Variants in TAF3 observed in about 807,000 individuals in gnomAD.
TAF3 encodes the protein transcription initiation factor TFIID subunit 3.
A neutral mutation model predicts 80.6 loss-of-function variants in TAF3; 7 were observed. That is an observed-to-expected ratio of 0.09 (90% CI 0.05 to 0.16). The LOEUF (loss-of-function observed/expected upper bound fraction) is 0.16. Ranked by LOEUF, TAF3 falls within the 10% of genes least tolerant of loss-of-function variation. TAF3 has a pLI of 1.00. For synonymous variants in TAF3, 444 were observed against 446.1 expected, an observed-to-expected ratio of 1.00 and a Z score of 0.06; for missense variants, 921 against 1,140.2, an observed-to-expected ratio of 0.81 and a Z score of 2.77.
intron 4 of TAF3, among the ~76,000 whole-genome samples, chr10:7,978,908 G>A (rs1271441922): frequency 6.6e-6 from 1 of 152,222 alleles, no homozygotes; most frequent in Non-Finnish European, 1.5e-5. Context: ...AGGTATGGTA[G>A]GCCATGCCTG....
At chr10:7,822,631 A>G (rs1463384544) in intron 1 of TAF3, among the ~76,000 whole-genome samples, 1 of 152,296 alleles carries the variant, frequency 6.6e-6, no homozygotes, top group East Asian at 1.9e-4. Flanking sequence ...TTCTGTATGC[A>G]TTACTACACA....
At chr10:7,979,504 C>G (rs1831705421) in intron 4 of TAF3, among the ~76,000 whole-genome samples, 1 of 152,008 alleles carries the variant, frequency 6.6e-6, no homozygotes. Context: ...ATGAGAAATC[C>G]TATTTGGAAC....
At chr10:7,869,225 A>T (rs551329033) in intron 2 of TAF3, among the ~76,000 whole-genome samples, 1 of 152,156 alleles carries the variant, frequency 6.6e-6, no homozygotes, top group South Asian at 2.1e-4. Context: ...CCCATGAAGA[A>T]TAATCCTTCC....
In TAF3 at chr10:7,847,653, C is replaced by T. The variant is rs765488868; in HGVS notation, c.409+23093C>T. Among the ~76,000 whole-genome samples, 23 of 152,178 alleles carry T rather than the reference C, an allele frequency of 1.5e-4. 1 individual carries two copies. Among genetic ancestry groups the T allele is most frequent in the Admixed American group, 1.2e-3 (19 of 15,282 alleles). Reference sequence around the variant, plus strand: ...AGAGACAGAGTCTTGCTGTGTTGCCCTGGTTGGTCTCAAACTCCTGGGTTC... The same window carrying T: ...AGAGACAGAGTCTTGCTGTGTTGCCTTGGTTGGTCTCAAACTCCTGGGTTC... On this transcript the variant is annotated intron_variant, in intron 2 of 6. Coordinates refer to ENST00000344293, the MANE Select transcript of TAF3 (RefSeq NM_031923.4).
At chr10:7,934,815 G>T (rs1029292614) in intron 2 of TAF3, among the ~76,000 whole-genome samples, 2 of 152,112 alleles carry the variant, frequency 1.3e-5, no homozygotes, top group Non-Finnish European at 2.9e-5. Context: ...CATCAAATGC[G>T]ATCAGTTTAC....
At chr10:7,821,181 A>T (rs1187005091) in intron 1 of TAF3, among the ~76,000 whole-genome samples, 3 of 151,846 alleles carry the variant, frequency 2.0e-5, no homozygotes, top group African/African-American at 7.3e-5. Context: ...TTTCAGTGAG[A>T]ATGAGATTGT....
chr10:7,841,333 AG>A (rs1836910471), intron 2 of TAF3, among the ~76,000 whole-genome samples: 1 of 152,132 alleles, frequency 6.6e-6, no homozygotes, highest in Non-Finnish European at 1.5e-5. Context: ...CTGAAAAGAG[AG>A]GTAAAGAAAT....
intron 2 of TAF3, among the ~76,000 whole-genome samples, chr10:7,848,832 A>G (rs1836998499): frequency 6.6e-6 from 1 of 152,198 alleles, no homozygotes; most frequent in African/African-American, 2.4e-5. Context: ...GCCACATTTC[A>G]TAACTCTTCT....
intron 2 of TAF3, among the ~76,000 whole-genome samples, chr10:7,846,063 A>G (rs2131120458): frequency 6.7e-6 from 1 of 148,676 alleles, no homozygotes; most frequent in East Asian, 2.0e-4. Flanking sequence ...GGTTCACGCC[A>G]GTCTCCTGCC....
chr10:7,911,355 ATACT>A (rs1741847053), intron 2 of TAF3, among the ~76,000 whole-genome samples: 1 of 152,252 alleles, frequency 6.6e-6, no homozygotes, highest in Non-Finnish European at 1.5e-5. Context: ...TTAAGAGAAA[ATACT>A]TAAGTTACTG....
intron 3 of TAF3, among the ~76,000 whole-genome samples, chr10:7,974,133 T>TACAC (rs56363651): frequency 0.014 from 2,085 of 145,326 alleles, 25 homozygotes; most frequent in South Asian, 0.023. Flanking sequence ...TTCTGAAACA[T>TACAC]ACACACACAC....
intron 2 of TAF3, among the ~76,000 whole-genome samples, chr10:7,896,111 C>G (rs1197047900): frequency 6.6e-6 from 1 of 152,164 alleles, no homozygotes; most frequent in Non-Finnish European, 1.5e-5. Context: ...TGATAGGTCC[C>G]TGGGCCTCAG....
At chr10:7,936,726 G>T (rs1837924163) in intron 2 of TAF3, among the ~76,000 whole-genome samples, 1 of 152,066 alleles carries the variant, frequency 6.6e-6, no homozygotes, top group African/African-American at 2.4e-5. Context: ...GTTGCTCTTG[G>T]TGTTGTACAT....
At chr10:7,981,723 C>G (rs1379580858) in intron 4 of TAF3, among the ~76,000 whole-genome samples, 1 of 152,154 alleles carries the variant, frequency 6.6e-6, no homozygotes, top group Non-Finnish European at 1.5e-5. Context: ...CATCATCAGC[C>G]CTCGTCCTAA....
chr10:7,982,985 T>C (rs1016454105), intron 4 of TAF3, among the ~76,000 whole-genome samples: 1 of 151,932 alleles, frequency 6.6e-6, no homozygotes, highest in Non-Finnish European at 1.5e-5. Context: ...AGACTCTTGG[T>C]GGCAAGTAAC....
intron 2 of TAF3, among the ~76,000 whole-genome samples, chr10:7,874,628 A>G (rs1327196834): frequency 6.6e-6 from 1 of 151,870 alleles, no homozygotes; most frequent in African/African-American, 2.4e-5. Context: ...TACTGAAAGG[A>G]ATAGTTTTTA....
At chr10:7,870,303 AT>A (rs1401543338) in intron 2 of TAF3, among the ~76,000 whole-genome samples, 1 of 152,178 alleles carries the variant, frequency 6.6e-6, no homozygotes, top group East Asian at 1.9e-4. Flanking sequence ...TTAGAAACCA[AT>A]TCTCACTTTT....
intron 2 of TAF3, among the ~76,000 whole-genome samples, chr10:7,866,104 G>T (rs537084609): frequency 1.1e-4 from 16 of 152,296 alleles, no homozygotes; most frequent in Admixed American, 7.8e-4. Flanking sequence ...TTTCTGGATC[G>T]TAAAGTAATT....
intron 4 of TAF3, among the ~76,000 whole-genome samples, chr10:7,982,973 C>T (rs1390318871): frequency 1.3e-5 from 2 of 152,042 alleles, no homozygotes; most frequent in African/African-American, 4.8e-5. Flanking sequence ...CTGTGTTAAT[C>T]AAGACTCTTG....
Sources: gnomAD v4.1 joint callset for allele counts (sites outside exome capture counted in the v4.1 genomes callset) on GRCh38, gnomAD v4.1.1 for gene constraint, MANE v1.5 for transcripts, NCBI Gene and HGNC (gene_info 2026-07-23, HGNC 2026-07-21) for gene names.